Variants in SCFD1 observed in about 807,000 individuals in gnomAD.
SCFD1 encodes the protein sec1 family domain containing 1.
In SCFD1, 37 loss-of-function variants were observed where a neutral mutation model predicts 103.2. That is an observed-to-expected ratio of 0.36 (90% confidence interval 0.28 to 0.47). The LOEUF (loss-of-function observed/expected upper bound fraction) is 0.47. Among genes scored for constraint, SCFD1 ranks in the 20% least tolerant of loss-of-function variants. The pLI, the probability that SCFD1 is intolerant of heterozygous loss-of-function variation, is 1.00. For synonymous variants in SCFD1, 264 were observed against 245.0 expected (o/e 1.08, Z -0.73); for missense variants, 639 against 761.2 (o/e 0.84, Z 1.89).
At chr14:30,692,274 TAAAC>T (rs1336689502) in intron 14 of SCFD1, among the ~76,000 whole-genome samples, 2 of 152,310 alleles carry the variant, frequency 1.3e-5, no homozygotes, top group East Asian at 3.9e-4. Flanking sequence ...CTCCTAGGGT[TAAAC>T]AATTAATTAA....
intron 10 of SCFD1, among the ~76,000 whole-genome samples, chr14:30,662,658 T>C (rs544280010): frequency 6.6e-6 from 1 of 152,330 alleles, no homozygotes; most frequent in Non-Finnish European, 1.5e-5. Flanking sequence ...GTTGAGATAG[T>C]AAATTCTTGC....
chr14:30,735,712 A>G lies in SCFD1; in HGVS notation c.*103A>G. 1.3e-6 allele frequency: 1 copy of G among 771,624 alleles called. No homozygotes were observed. The highest frequency in any genetic ancestry group is 2.7e-5 in the Admixed American group (1 of 36,628). 47.8% of individuals were successfully genotyped at this position (771,624 alleles called of 1,614,324 possible). A position where few individuals can be genotyped will look rare whatever the true frequency, so the allele number is the denominator to read the frequency against. ...GTTTCCTTCTCTGTAACAGTGTCCT[A>G]ACAGTGAAAATCAGAGTTATTTGTT... On this transcript the variant is annotated 3_prime_UTR_variant, in exon 25 of 25. Transcript: ENST00000458591.
chr14:30,700,133 A>G (rs773387705), intron 15 of SCFD1, 55 bp from the exon 16 acceptor site: 25 of 1,255,962 alleles, frequency 2.0e-5, no homozygotes, highest in Admixed American at 1.2e-4. Flanking sequence ...GTTGACTATA[A>G]TACATAATAA....
chr14:30,666,059 T>C (rs1887936444), intron 10 of SCFD1, among the ~76,000 whole-genome samples: 1 of 151,882 alleles, frequency 6.6e-6, no homozygotes, highest in Non-Finnish European at 1.5e-5. Flanking sequence ...TCTGCACTAA[T>C]AGACATCTAC....
chr14:30,711,636 CTTAT>C (rs1323717243), intron 19 of SCFD1, among the ~76,000 whole-genome samples: 2 of 152,102 alleles, frequency 1.3e-5, no homozygotes, highest in African/African-American at 2.4e-5. Flanking sequence ...ATATATACAA[CTTAT>C]TTGTCAGTCA....
chr14:30,623,427 A>G (rs576050117), intron 1 of SCFD1, among the ~76,000 whole-genome samples: 1 of 152,338 alleles, frequency 6.6e-6, no homozygotes, highest in South Asian at 2.1e-4. Context: ...AAAGATACTG[A>G]GTTGCGTTCT....
chr14:30,678,138 G>T (rs989231215), intron 14 of SCFD1, among the ~76,000 whole-genome samples: 1 of 152,032 alleles, frequency 6.6e-6, no homozygotes, highest in African/African-American at 2.4e-5. Context: ...GCGCCTGGCC[G>T]TAAATATTTT....
At chr14:30,695,443 TC>T (rs752849644) in intron 15 of SCFD1, among the ~76,000 whole-genome samples, 2 of 152,100 alleles carry the variant, frequency 1.3e-5, no homozygotes, top group African/African-American at 2.4e-5. Context: ...ATGTTCTCAC[TC>T]ATGTGGAAGC....
chr14:30,697,031 T>C (rs972909908), intron 15 of SCFD1, among the ~76,000 whole-genome samples: 2 of 152,142 alleles, frequency 1.3e-5, no homozygotes, highest in Admixed American at 6.5e-5. Context: ...TCGCTATATA[T>C]CTGTTCAGAT....
At chr14:30,682,873 T>C (rs570925732) in intron 14 of SCFD1, among the ~76,000 whole-genome samples, 1 of 152,170 alleles carries the variant, frequency 6.6e-6, no homozygotes, top group East Asian at 1.9e-4. Flanking sequence ...ATGACCAAAA[T>C]GTATTTATTT....
intron 18 of SCFD1, among the ~76,000 whole-genome samples, chr14:30,706,364 A>G (rs1891469275): frequency 6.6e-6 from 1 of 152,088 alleles, no homozygotes. Flanking sequence ...TATACACCTA[A>G]ATGTTAATAG....
intron 17 of SCFD1, among the ~76,000 whole-genome samples, chr14:30,703,325 T>G (rs1190141305): frequency 6.7e-6 from 1 of 148,804 alleles, no homozygotes; most frequent in Non-Finnish European, 1.5e-5. Context: ...GGCAGTCACA[T>G]TTGAGCCAAA....
chr14:30,712,824 A>G (rs1397034844), intron 19 of SCFD1, among the ~76,000 whole-genome samples: 1 of 152,166 alleles, frequency 6.6e-6, no homozygotes, highest in Non-Finnish European at 1.5e-5. Context: ...TTTCCATTTT[A>G]TTTCTAAACA....
rs750271900 is a variant in SCFD1 at position 30,622,364 on chromosome 14, C to T, written c.26C>T (p.Ala9Val). Reference sequence around the variant, plus strand: ...ATGGCGGCGGCGGCGGCAGCGACAGCAGCAGCAGCAGCCAGTATTCGGGAA... The same window carrying T: ...ATGGCGGCGGCGGCGGCAGCGACAGTAGCAGCAGCAGCCAGTATTCGGGAA... Reference protein sequence around the residue: MAAAAAATAAAAASIRERQ... With the variant: MAAAAAATVAAAASIRERQ... The change falls in exon 1 of 25, where the codon GCA becomes GTA. Residue 9 changes from alanine to valine, a missense_variant. By Grantham distance (64) the Ala-to-Val change is moderately conservative. Coordinates refer to ENST00000458591, the MANE Select transcript of SCFD1 (RefSeq NM_016106.4). The T allele has an allele frequency of 1.7e-5, 26 of 1,561,744 alleles. No individual in the cohort carries two copies. In the African/African-American group the frequency reaches 2.9e-4, roughly 17 times the overall value.
rs760718856 is a variant in SCFD1, at chr14:30,715,919, C to T, written c.1630-5C>T. On this transcript the variant is annotated splice_region_variant and splice_polypyrimidine_tract_variant and intron_variant, in intron 19 of 24. Transcript: ENST00000458591. ...TCTAATATTTAACAAAATACTTTTC[C>T]ACAGAATCTACCTGTTACTCGTATT... The T allele has an allele frequency of 2.6e-6, 4 of 1,518,318 alleles. No homozygotes were observed. Among genetic ancestry groups the T allele is most frequent in the Admixed American group, 4.0e-5 (2 of 49,640 alleles). The allele number at this position is 1,518,318 out of a possible 1,614,324, so 94.1% of individuals were successfully genotyped here.
rs191565384 is a variant in SCFD1, at chr14:30,725,434, C to T, written c.1836+2875C>T. On this transcript the variant is annotated intron_variant, in intron 23 of 24. Coordinates refer to ENST00000458591, the MANE Select transcript of SCFD1 (RefSeq NM_016106.4). ...TAGCTGTTTTCTTGGGTATTTTATT[C>T]TTTTTGTGGCAATTGTGAATGGGAG... Among the ~76,000 whole-genome samples, 564 of 152,164 alleles carry T rather than the reference C, an allele frequency of 3.7e-3. 7 individuals carry two copies. Among genetic ancestry groups the T allele is most frequent in the African/African-American group, 0.013 (534 of 41,540 alleles).
At chr14:30,703,910 C>CATGTATATAT (rs1891248421) in intron 17 of SCFD1, among the ~76,000 whole-genome samples, 1 of 39,524 alleles carries the variant, frequency 2.5e-5, no homozygotes, top group Non-Finnish European at 6.4e-5. Flanking sequence ...GGAATATTTG[C>CATGTATATAT]ATATATATAT....
intron 4 of SCFD1, among the ~76,000 whole-genome samples, chr14:30,635,473 C>T (rs931261518): frequency 1.3e-5 from 2 of 152,098 alleles, no homozygotes; most frequent in Non-Finnish European, 2.9e-5. Context: ...TGTATATTTG[C>T]CTACTCTGAC....
At position 30,735,805 on chromosome 14, in the gene SCFD1, A is replaced by G; in HGVS notation, c.*196A>G. 1 of 455,346 alleles carries G rather than the reference A, an allele frequency of 2.2e-6. No individual in the cohort carries two copies. The highest frequency in any genetic ancestry group is 3.9e-6 in the Non-Finnish European group (1 of 255,018). 28.2% of individuals were successfully genotyped at this position (455,346 alleles called of 1,614,324 possible). A position where few individuals can be genotyped will look rare whatever the true frequency, so the allele number is the denominator to read the frequency against. On this transcript the variant is annotated 3_prime_UTR_variant, in exon 25 of 25. Coordinates refer to ENST00000458591, the MANE Select transcript of SCFD1 (RefSeq NM_016106.4). ...GAAACATTTCAGAAATAAAATTTCA[A>G]CATTGTTCATTTTCTCTGATAAATC...
Sources: allele counts gnomAD v4.1 joint callset (sites outside exome capture counted in the v4.1 genomes callset), GRCh38; gene constraint gnomAD v4.1.1; transcripts MANE v1.5; gene names NCBI Gene and HGNC (gene_info 2026-07-23, HGNC 2026-07-21).